KCNS3: variants seen among roughly 807,000 people sequenced by gnomAD.
KCNS3 encodes the protein delayed-rectifier potassium channel regulatory subunit KCNS3.
A neutral mutation model predicts 31.0 loss-of-function variants in KCNS3; 13 were observed. The ratio of observed to expected loss-of-function variants is 0.42; its 90% CI spans 0.27 to 0.67. KCNS3 has a LOEUF of 0.67. Among genes scored for constraint, KCNS3 ranks in the 30% least tolerant of loss-of-function variants. The pLI is 0.25. For synonymous variants in KCNS3, 238 were observed against 241.5 expected, an observed-to-expected ratio of 0.99 and a Z score of 0.13; for missense variants, 545 against 622.4, an observed-to-expected ratio of 0.88 and a Z score of 1.32.
chr2:17,927,459 C>T (rs1352890350), intron 2 of KCNS3, among the ~76,000 whole-genome samples: 1 of 152,132 alleles, frequency 6.6e-6, no homozygotes, highest in Non-Finnish European at 1.5e-5. Context: ...AGTCAATTTC[C>T]ATACTGCTAT....
intron 1 of KCNS3, among the ~76,000 whole-genome samples, chr2:17,908,704 T>C (rs988361852): frequency 1.3e-5 from 2 of 152,234 alleles, no homozygotes; most frequent in African/African-American, 4.8e-5. Context: ...TGCAGGTCTG[T>C]TGGAGTTTGC....
intron 2 of KCNS3, among the ~76,000 whole-genome samples, chr2:17,924,435 A>T (rs542940808): frequency 3.5e-4 from 53 of 152,044 alleles, no homozygotes; most frequent in Non-Finnish European, 2.6e-4. Context: ...TTTGTTCCTG[A>T]TCTTAAGAGA....
chr2:17,916,725 G>A (rs1662595381), intron 1 of KCNS3, among the ~76,000 whole-genome samples: 1 of 152,112 alleles, frequency 6.6e-6, no homozygotes, highest in South Asian at 2.1e-4. Context: ...AGGGACTGGG[G>A]GCAGGCACTG....
chr2:17,912,044 C>T (rs1405319834), intron 1 of KCNS3, among the ~76,000 whole-genome samples: 1 of 152,194 alleles, frequency 6.6e-6, no homozygotes, highest in Non-Finnish European at 1.5e-5. Flanking sequence ...CATTGCATGG[C>T]TACCCCCAGT....
In KCNS3 at chr2:17,932,315, CTTACT is replaced by C; in HGVS notation, c.1311_1315del (p.Tyr437Ter). The C allele has an allele frequency of 6.2e-7, 1 of 1,614,062 alleles. No individual in the cohort carries two copies. The highest frequency in any genetic ancestry group is 8.5e-7 in the Non-Finnish European group (1 of 1,179,974). On this transcript the variant is annotated frameshift_variant, in exon 3 of 3. Transcript: ENST00000304101. LOFTEE classifies it high-confidence loss of function. ...GCACCAGAGAAGTGTCATGAGCTAC[CTTACT>C]TTAACATTAGGGATATATATGCACA...
At chr2:17,888,629 G>GTATATCTATATATCTA (rs35102585) in intron 1 of KCNS3, among the ~76,000 whole-genome samples, 1 of 92,406 alleles carries the variant, frequency 1.1e-5, no homozygotes, top group African/African-American at 4.5e-5. Context: ...TAAAAAAAAT[G>GTATATCTATATATCTA]TATATATATA....
At chr2:17,921,474 A>C (rs888915097) in intron 2 of KCNS3, among the ~76,000 whole-genome samples, 1 of 152,182 alleles carries the variant, frequency 6.6e-6, no homozygotes, top group African/African-American at 2.4e-5. Context: ...GATTTTTTTT[A>C]TAATATCAAG....
intron 1 of KCNS3, among the ~76,000 whole-genome samples, chr2:17,884,268 A>AAAAATATATATAT (rs1459540269): frequency 2.1e-5 from 1 of 46,696 alleles, no homozygotes; most frequent in Non-Finnish European, 4.0e-5. Context: ...AAAAAAAAAA[A>AAAAATATATATAT]ATATATATAT....
chr2:17,885,060 T>C (rs1221359796), intron 1 of KCNS3, among the ~76,000 whole-genome samples: 3 of 152,136 alleles, frequency 2.0e-5, no homozygotes, highest in Non-Finnish European at 4.4e-5. Flanking sequence ...ATAAATTGAA[T>C]TAGCAGAACT....
At chr2:17,892,905 G>C (rs1158403867) in intron 1 of KCNS3, among the ~76,000 whole-genome samples, 1 of 152,178 alleles carries the variant, frequency 6.6e-6, no homozygotes, top group Non-Finnish European at 1.5e-5. Context: ...TTTTTTACTG[G>C]TTGGCCGCCT....
intron 1 of KCNS3, among the ~76,000 whole-genome samples, chr2:17,899,405 C>T (rs991859816): frequency 2.1e-5 from 3 of 144,804 alleles, no homozygotes; most frequent in African/African-American, 7.5e-5. Context: ...TATATTACAT[C>T]TATCTTTTGC....
At chr2:17,881,004 G>A (rs1219271436) in intron 1 of KCNS3, among the ~76,000 whole-genome samples, 1 of 152,148 alleles carries the variant, frequency 6.6e-6, no homozygotes, top group Non-Finnish European at 1.5e-5. Context: ...TTTTTTAATA[G>A]ATAACATTTA....
intron 2 of KCNS3, among the ~76,000 whole-genome samples, chr2:17,929,407 G>C (rs372941377): frequency 2.1e-4 from 32 of 152,126 alleles, no homozygotes; most frequent in African/African-American, 7.2e-4. Context: ...GAGAGTGAAG[G>C]GGGAGATGCT....
chr2:17,913,140 T>TACA (rs1662512093), intron 1 of KCNS3, among the ~76,000 whole-genome samples: 2 of 151,800 alleles, frequency 1.3e-5, no homozygotes, highest in Non-Finnish European at 2.9e-5. Context: ...TTTATTTAAT[T>TACA]AAACACTGGG....
At chr2:17,908,203 A>G (rs574134109) in intron 1 of KCNS3, among the ~76,000 whole-genome samples, 50 of 152,144 alleles carry the variant, frequency 3.3e-4, no homozygotes, top group African/African-American at 1.1e-3. Flanking sequence ...ACTTCATTTC[A>G]TTCATTTAAT....
intron 1 of KCNS3, among the ~76,000 whole-genome samples, chr2:17,910,871 A>G (rs1431063783): frequency 6.6e-6 from 1 of 152,170 alleles, no homozygotes; most frequent in Non-Finnish European, 1.5e-5. Context: ...TCATATTTTA[A>G]AAGAAATAAT....
Position 17,931,815 on chromosome 2 carries a change from G to T in KCNS3, c.807G>T (p.Thr269=). The T allele has an allele frequency of 6.2e-7, 1 of 1,614,152 alleles. No individual in the cohort carries two copies. Among genetic ancestry groups the T allele is most frequent in the Non-Finnish European group, 8.5e-7 (1 of 1,180,028 alleles). ...TCTCTATTATTCCCTTCTATGCCAC[G>T]TTGGCTGTAGACACCAAGGAGGAAG... ...DFVSIIPFYA[T]LAVDTKEEES... The change falls in exon 3 of 3, where the codon ACG becomes ACT. Residue 269 remains threonine (T), a synonymous_variant. Coordinates refer to ENST00000304101, the MANE Select transcript of KCNS3 (RefSeq NM_002252.5). This position sits in a 1 kb window ranked among gnomAD's most constrained non-coding sequence, Gnocchi z 5.4.
chr2:17,902,364 G>C (rs1372774524), intron 1 of KCNS3, among the ~76,000 whole-genome samples: 1 of 90,626 alleles, frequency 1.1e-5, no homozygotes, highest in African/African-American at 4.1e-5. Context: ...GTGTGTGTGT[G>C]TGTGTGTGTG....
intron 1 of KCNS3, among the ~76,000 whole-genome samples, chr2:17,900,635 G>A (rs570025417): frequency 3.5e-4 from 53 of 152,114 alleles, no homozygotes; most frequent in Middle Eastern, 6.8e-3. Context: ...GACTACAGGC[G>A]TGTGCCACCA....
Sources: allele counts gnomAD v4.1 joint callset (sites outside exome capture counted in the v4.1 genomes callset), GRCh38; gene constraint gnomAD v4.1.1; non-coding constraint Gnocchi (gnomAD v3.1); transcripts MANE v1.5; gene names NCBI Gene and HGNC (gene_info 2026-07-23, HGNC 2026-07-21).